Variants in RBFOX1 observed in about 807,000 individuals in gnomAD.
The protein encoded by RBFOX1 is RNA binding fox-1 homolog 1, also known as RNA binding protein fox-1 homolog 1.
A neutral mutation model predicts 57.7 loss-of-function variants in RBFOX1; 8 were observed. The observed-to-expected ratio is 0.14, with a 90% CI of 0.08 to 0.25. RBFOX1 has a LOEUF of 0.25. Among genes scored for constraint, RBFOX1 ranks in the 10% least tolerant of loss-of-function variants. The pLI is 1.00. For synonymous variants in RBFOX1, 326 were observed against 222.4 expected (o/e 1.47, Z -4.15); for missense variants, 611 against 548.5 (o/e 1.11, Z -1.14).
intron 3 of RBFOX1, among the ~76,000 whole-genome samples, chr16:5,645,813 G>A (rs1444398145): frequency 1.3e-5 from 2 of 152,196 alleles, no homozygotes; most frequent in African/African-American, 2.4e-5. Flanking sequence ...CTACAGGCAT[G>A]TGCCACCACA....
At chr16:6,537,093 C>A (rs577796746) in intron 2 of RBFOX1, among the ~76,000 whole-genome samples, 57 of 152,196 alleles carry the variant, frequency 3.7e-4, no homozygotes, top group African/African-American at 1.3e-3. Flanking sequence ...AATGAATTTT[C>A]CTTCCAGCGT....
intron 3 of RBFOX1, among the ~76,000 whole-genome samples, chr16:5,710,037 T>G (rs1315730530): frequency 6.6e-6 from 1 of 150,528 alleles, no homozygotes; most frequent in East Asian, 2.0e-4. Flanking sequence ...GGTTTTGTGA[T>G]TTTTAAGTGC....
intron 2 of RBFOX1, among the ~76,000 whole-genome samples, chr16:5,596,698 A>T (rs1441668223): frequency 6.6e-6 from 1 of 152,196 alleles, no homozygotes; most frequent in African/African-American, 2.4e-5. Flanking sequence ...TTCTTGGTCC[A>T]TCTATAAAGT....
intron 1 of RBFOX1, among the ~76,000 whole-genome samples, chr16:6,060,543 C>T (rs193297071): frequency 3.3e-5 from 5 of 152,246 alleles, no homozygotes; most frequent in East Asian, 3.9e-4. Context: ...TCGACCTCTA[C>T]GTCAGCAGTT....
rs1396209837 is a variant in RBFOX1 at position 6,943,199 on chromosome 16, A to T, written c.-15-108858A>T. ...ACAGACCTGAGCTTGGCCAAATGGG[A>T]ACTGCTTTGCCTATAAGGTTATAGA... On this transcript the variant is annotated intron_variant, in intron 3 of 15. Transcript: ENST00000550418. Among the ~76,000 whole-genome samples, 4 of 152,314 alleles carry T rather than the reference A, an allele frequency of 2.6e-5. No individual in the cohort carries two copies. In the East Asian group the frequency reaches 5.8e-4, roughly 22 times the overall value.
chr16:5,368,593 C>A (rs551216688), intron 1 of RBFOX1, among the ~76,000 whole-genome samples: 13 of 152,200 alleles, frequency 8.5e-5, no homozygotes, highest in Non-Finnish European at 1.9e-4. Flanking sequence ...TAACAAGCTG[C>A]ACTACACGGT....
At chr16:7,681,421 G>A (rs1000738596) in intron 14 of RBFOX1, among the ~76,000 whole-genome samples, 1 of 152,168 alleles carries the variant, frequency 6.6e-6, no homozygotes, top group South Asian at 2.1e-4. Flanking sequence ...AAAAGGATTT[G>A]AGTTGATTTC....
intron 2 of RBFOX1, among the ~76,000 whole-genome samples, chr16:6,603,451 A>G (rs73538066): frequency 0.01 from 1,576 of 152,292 alleles, 28 homozygotes; most frequent in African/African-American, 0.035. Context: ...ATCAAAATGG[A>G]CTGTTGATTT....
chr16:6,096,387 C>G (rs187488701), intron 1 of RBFOX1, among the ~76,000 whole-genome samples: 1 of 152,290 alleles, frequency 6.6e-6, no homozygotes, highest in East Asian at 1.9e-4. Flanking sequence ...TATGTTTGCT[C>G]TCGACATTTA....
chr16:6,847,357 G>C (rs2093810896), intron 3 of RBFOX1, among the ~76,000 whole-genome samples: 2 of 152,074 alleles, frequency 1.3e-5, no homozygotes, highest in Admixed American at 1.3e-4. Flanking sequence ...AACTGCAAGG[G>C]GGTCTTCAAT....
intron 1 of RBFOX1, among the ~76,000 whole-genome samples, chr16:5,240,810 G>A (rs1272775261): frequency 6.6e-6 from 1 of 152,112 alleles, no homozygotes; most frequent in Non-Finnish European, 1.5e-5. Context: ...GGGCTCCGTG[G>A]CCAGCCTGGC....
chr16:5,873,441 C>T (rs964688197), intron 4 of RBFOX1, among the ~76,000 whole-genome samples: 1 of 152,202 alleles, frequency 6.6e-6, no homozygotes, highest in African/African-American at 2.4e-5. Flanking sequence ...TGATAGTCAT[C>T]TCCGTCCTTG....
intron 3 of RBFOX1, among the ~76,000 whole-genome samples, chr16:7,041,429 A>G (rs74494929): frequency 0.098 from 14,880 of 152,110 alleles, 1,197 homozygotes; most frequent in East Asian, 0.32. Context: ...ATGAACCACA[A>G]TTCTTTTAAC....
chr16:6,344,605 G>A (rs2085074858), intron 2 of RBFOX1, among the ~76,000 whole-genome samples: 1 of 150,236 alleles, frequency 6.7e-6, no homozygotes, highest in Non-Finnish European at 1.5e-5. Flanking sequence ...CAGCGTGTTA[G>A]CCAGGATGGT....
intron 2 of RBFOX1, among the ~76,000 whole-genome samples, chr16:6,566,690 G>C (rs745488542): frequency 6.6e-6 from 1 of 152,110 alleles, no homozygotes; most frequent in African/African-American, 2.4e-5. Flanking sequence ...GGCTAAATCA[G>C]TATTCCATCC....
chr16:7,060,394 A>G (rs1201688652), intron 4 of RBFOX1, among the ~76,000 whole-genome samples: 1 of 152,176 alleles, frequency 6.6e-6, no homozygotes, highest in Non-Finnish European at 1.5e-5. Context: ...AAGGCCTTAG[A>G]CTCACATCAA....
intron 2 of RBFOX1, among the ~76,000 whole-genome samples, chr16:6,522,923 CT>C (rs2153805730): frequency 6.6e-6 from 1 of 152,224 alleles, no homozygotes; most frequent in South Asian, 2.1e-4. Context: ...GACTCGGGGA[CT>C]TCGCTTTACT....
intron 4 of RBFOX1, among the ~76,000 whole-genome samples, chr16:5,967,666 T>C (rs1158037044): frequency 6.6e-6 from 1 of 152,148 alleles, no homozygotes; most frequent in African/African-American, 2.4e-5. Flanking sequence ...ATCTATTCTC[T>C]GTTTTATCTA....
intron 2 of RBFOX1, among the ~76,000 whole-genome samples, chr16:5,552,110 A>T (rs1215611526): frequency 6.6e-6 from 1 of 152,156 alleles, no homozygotes; most frequent in Non-Finnish European, 1.5e-5. Context: ...TTGAACTAAG[A>T]TAATGTAGTC....
Sources: gnomAD v4.1 joint callset for allele counts (sites outside exome capture counted in the v4.1 genomes callset) on GRCh38, gnomAD v4.1.1 for gene constraint, MANE v1.5 for transcripts, NCBI Gene and HGNC (gene_info 2026-07-23, HGNC 2026-07-21) for gene names.